The following SP110 variants were observed in gnomAD, a reference collection of about 807,000 sequenced individuals.
SP110 encodes SP110 nuclear body protein.
A neutral mutation model predicts 92.7 loss-of-function variants in SP110; 62 were observed. The observed-to-expected ratio is 0.67, with a 90% CI of 0.55 to 0.83. The LOEUF (loss-of-function observed/expected upper bound fraction) is 0.83, where lower values mean the gene tolerates loss of function less well. Among genes scored for constraint, SP110 ranks in the 40% least tolerant of loss-of-function variants. The pLI is 0.00. For synonymous variants in SP110, 273 were observed against 305.3 expected (o/e 0.89, Z 1.10); for missense variants, 793 against 863.9 (o/e 0.92, Z 1.03).
At chr2:230,210,707 G>C (rs537793036) in intron 6 of SP110, among the ~76,000 whole-genome samples, 1 of 152,302 alleles carries the variant, frequency 6.6e-6, no homozygotes, top group African/African-American at 2.4e-5. Context: ...AACAAATAAA[G>C]GCTCATCTCA....
chr2:230,173,007 G>T, intron 14 of SP110, 48 bp from the exon 15 acceptor site: 2 of 1,228,480 alleles, frequency 1.6e-6, no homozygotes, highest in South Asian at 1.2e-5. Context: ...GGAGACCCAC[G>T]AATGCTGACC....
chr2:230,216,166 T>G (rs569378206), intron 2 of SP110, among the ~76,000 whole-genome samples: 1 of 152,244 alleles, frequency 6.6e-6, no homozygotes, highest in African/African-American at 2.4e-5. Context: ...CTGTAGTGAG[T>G]TGAATGTTGG....
intron 12 of SP110, among the ~76,000 whole-genome samples, chr2:230,181,227 G>T (rs4973285): frequency 6.6e-6 from 1 of 152,092 alleles, no homozygotes. Context: ...TGACAGATGA[G>T]GTAGTGAATT....
intron 10 of SP110, among the ~76,000 whole-genome samples, chr2:230,188,382 T>A (rs889786325): frequency 6.6e-6 from 1 of 152,106 alleles, no homozygotes; most frequent in Non-Finnish European, 1.5e-5. Flanking sequence ...AATCTAGGAG[T>A]CTTCTGAAGG....
At chr2:230,224,536 G>C (rs1271528309), upstream of SP110, among the ~76,000 whole-genome samples, 3 of 151,066 alleles carry the variant, frequency 2.0e-5, no homozygotes, top group East Asian at 1.9e-4. Flanking sequence ...AGAGAGAGGA[G>C]AGAGAGAGAG....
chr2:230,209,806 A>C (rs942247822), intron 7 of SP110, 125 bp downstream of exon 7: 16 of 733,802 alleles, frequency 2.2e-5, no homozygotes, highest in Non-Finnish European at 3.7e-5. Context: ...AACTGCAGAA[A>C]CGAACTGTGT....
chr2:230,202,188 A>T (rs572141943), intron 9 of SP110, among the ~76,000 whole-genome samples: 1 of 152,330 alleles, frequency 6.6e-6, no homozygotes, highest in South Asian at 2.1e-4. Flanking sequence ...CAATTGGTTT[A>T]TTATTGTTAC....
rs1271578814 is a variant in SP110, at chr2:230,213,025, C to A, written c.319G>T (p.Gly107Cys). ...VTIYRSFKRV[G>C]ASYEWQSRDT... The stretch of plus-strand genomic sequence containing the variant: ...CTGCTCTGCCATTCATAGGAAGCAC[C>A]AACTGGGATTGGTGAAGGGACACAC... The change falls in exon 4 of 19, where the codon GGT (glycine) becomes TGT (cysteine). Residue 107 changes from glycine to cysteine, a missense_variant and splice_region_variant. Gly to Cys is a radical substitution (Grantham distance 159). Transcript: ENST00000258381. 6.2e-7 allele frequency: 1 copy of A among 1,613,866 alleles called. No individual in the cohort carries two copies. Among genetic ancestry groups the A allele is most frequent in the Admixed American group, 1.7e-5 (1 of 60,006 alleles).
At position 230,212,890 on chromosome 2, in the gene SP110, AG is replaced by A. The variant is rs2044652404; in HGVS notation, c.453del (p.Cys152ValfsTer19). 1 of 1,614,054 alleles carries A rather than the reference AG, an allele frequency of 6.2e-7. No homozygotes were observed. ...CCAGGCTCACTGACTCTTGGCGCACAGGGTGAACAGCTTGGTTGAGGGGGTT... is the reference window on the plus strand; with the variant it reads ...CCAGGCTCACTGACTCTTGGCGCACAGGTGAACAGCTTGGTTGAGGGGGTT... ...PPQPPQPSCS[P>X]CAPRVSEPGT... On this transcript the variant is annotated frameshift_variant, in exon 4 of 19. Coordinates refer to ENST00000258381, the MANE Select transcript of SP110 (RefSeq NM_080424.4). LOFTEE classifies it high-confidence loss of function.
chr2:230,187,851 G>A (rs147691844), intron 10 of SP110, among the ~76,000 whole-genome samples: 369 of 152,194 alleles, frequency 2.4e-3, no homozygotes, highest in African/African-American at 8.4e-3. Context: ...ATTGGTCGAT[G>A]TATCTACTTT....
intron 3 of SP110, 106 bp from the exon 4 acceptor site, chr2:230,213,133 A>T (rs2044677711): frequency 1.8e-6 from 2 of 1,092,424 alleles, no homozygotes; most frequent in Middle Eastern, 2.5e-4. Flanking sequence ...GCATGGAGCT[A>T]TTCATTGTCC....
intron 10 of SP110, among the ~76,000 whole-genome samples, chr2:230,191,151 GA>G (rs1275529580): frequency 1.3e-5 from 2 of 152,136 alleles, no homozygotes; most frequent in Admixed American, 6.5e-5. Context: ...GTGTTAAGAG[GA>G]AAACTTGTAG....
chr2:230,182,587 G>A (rs10804364), intron 12 of SP110, among the ~76,000 whole-genome samples: 116,046 of 151,924 alleles, frequency 0.76, 44,463 homozygotes, highest in Admixed American at 0.83. Flanking sequence ...GAGCAGGAAC[G>A]AGGTGGGAGC....
At chr2:230,193,128 G>A (rs2148801863) in intron 10 of SP110, among the ~76,000 whole-genome samples, 1 of 152,104 alleles carries the variant, frequency 6.6e-6, no homozygotes, top group Admixed American at 6.6e-5. Flanking sequence ...TTTTTTTACT[G>A]TTGTTGCTTT....
chr2:230,185,807 C>T (rs1343560257), intron 11 of SP110, among the ~76,000 whole-genome samples, 187 bp downstream of exon 11: 1 of 152,176 alleles, frequency 6.6e-6, no homozygotes, highest in East Asian at 1.9e-4. Flanking sequence ...GTGAACTGCA[C>T]CCTGAGAACA....
At position 230,170,648 on chromosome 2, in the gene SP110, C is replaced by T. The variant is rs1349538109; in HGVS notation, c.2001G>A (p.Met667Ile). Residue 667 changes from methionine (M) to isoleucine (I), a missense_variant, in exon 18 of 19, where the codon ATG (methionine) becomes ATA (isoleucine). Coordinates refer to ENST00000258381, the MANE Select transcript of SP110 (RefSeq NM_080424.4). ...VAWFVRDMRLMFRNHKTFYKA... is the reference protein window; with the variant it reads ...VAWFVRDMRLIFRNHKTFYKA... Reference sequence around the variant, plus strand: ...TGTAAAATGTTTTATGGTTGCGAAACATCAGGCGCATGTCTCGCACAAACC... The same window carrying T: ...TGTAAAATGTTTTATGGTTGCGAAATATCAGGCGCATGTCTCGCACAAACC... 6.2e-7 allele frequency: 1 copy of T among 1,614,146 alleles called. No individual in the cohort carries two copies. Among genetic ancestry groups the T allele is most frequent in the Non-Finnish European group, 8.5e-7 (1 of 1,180,018 alleles).
chr2:230,202,466 G>A, intron 9 of SP110, 113 bp downstream of exon 9: 1 of 971,300 alleles, frequency 1.0e-6, no homozygotes, highest in Non-Finnish European at 1.6e-6. Flanking sequence ...CTCATTCTCT[G>A]TACTTTTTCC....
intron 17 of SP110, 118 bp downstream of exon 17, chr2:230,171,577 GC>G: frequency 2.5e-6 from 2 of 807,786 alleles, no homozygotes; most frequent in South Asian, 2.8e-5. Flanking sequence ...CTCCACTGCT[GC>G]CACGCTGCCC....
chr2:230,171,170 G>A (rs1010098696), intron 17 of SP110, among the ~76,000 whole-genome samples: 5 of 152,264 alleles, frequency 3.3e-5, no homozygotes, highest in African/African-American at 7.2e-5. Flanking sequence ...TTGGCTCACC[G>A]CAACCTCTGC....
Sources: allele counts gnomAD v4.1 joint callset (sites outside exome capture counted in the v4.1 genomes callset), GRCh38; gene constraint gnomAD v4.1.1; transcripts MANE v1.5; gene names NCBI Gene and HGNC (gene_info 2026-07-23, HGNC 2026-07-21).